Variants in RELCH observed in about 807,000 individuals in gnomAD.
RELCH encodes the protein RAB11-binding protein RELCH.
A neutral mutation model predicts 150.3 loss-of-function variants in RELCH; 41 were observed. The ratio of observed to expected loss-of-function variants is 0.27; its 90% CI spans 0.21 to 0.35. RELCH has a LOEUF of 0.35. RELCH is among the 10% of genes least tolerant of loss of function. The probability of loss-of-function intolerance (pLI) is 1.00; values close to 1 mark genes in which losing one functional copy is unlikely to be tolerated. For synonymous variants in RELCH, 478 were observed against 531.8 expected (o/e 0.90, Z 1.39); for missense variants, 1,092 against 1,467.8 (o/e 0.74, Z 4.18).
intron 2 of RELCH, among the ~76,000 whole-genome samples, chr18:62,214,493 G>A (rs1466759971): frequency 3.3e-5 from 5 of 152,176 alleles, no homozygotes; most frequent in Non-Finnish European, 7.3e-5. Flanking sequence ...CTGCAAGCTG[G>A]TAGCTCTGCA....
chr18:62,287,240 A>C (rs1171134847), intron 25 of RELCH, 111 bp from the exon 26 acceptor site: 1 of 650,912 alleles, frequency 1.5e-6, no homozygotes, highest in Non-Finnish European at 2.7e-6. Flanking sequence ...GAAGTCATTC[A>C]GAATTAAAAT....
intron 22 of RELCH, among the ~76,000 whole-genome samples, chr18:62,278,486 A>G (rs1053543123): frequency 2.0e-5 from 3 of 152,180 alleles, no homozygotes; most frequent in African/African-American, 7.2e-5. Context: ...TTGCAAAATT[A>G]AGAATCTTCA....
intron 2 of RELCH, among the ~76,000 whole-genome samples, chr18:62,217,410 G>A (rs544147065): frequency 1.3e-5 from 2 of 151,668 alleles, no homozygotes; most frequent in African/African-American, 4.8e-5. Flanking sequence ...GTTATTTCAG[G>A]AGTTATTAAA....
At chr18:62,205,870 TA>T (rs948210453) in intron 1 of RELCH, among the ~76,000 whole-genome samples, 1 of 151,498 alleles carries the variant, frequency 6.6e-6, no homozygotes, top group Non-Finnish European at 1.5e-5. Flanking sequence ...ATAATTTTTT[TA>T]AAAAAATTAG....
At chr18:62,277,696 T>G in intron 22 of RELCH, 1 of 974,116 alleles carries the variant, frequency 1.0e-6, no homozygotes, top group Non-Finnish European at 1.2e-6. Flanking sequence ...AGTTTAATTT[T>G]TAGACAGCAG....
intron 22 of RELCH, among the ~76,000 whole-genome samples, chr18:62,278,285 G>T (rs1381240016): frequency 2.6e-5 from 4 of 152,020 alleles, no homozygotes; most frequent in Admixed American, 6.6e-5. Context: ...ATGATACAGA[G>T]AAGAAAGTTT....
chr18:62,283,309 G>A (rs2044619313), intron 25 of RELCH, among the ~76,000 whole-genome samples: 2 of 151,918 alleles, frequency 1.3e-5, no homozygotes, highest in Admixed American at 6.6e-5. Flanking sequence ...CTTTTACTGT[G>A]GGCCTCAACA....
chr18:62,198,609 A>T (rs1351653809), intron 1 of RELCH, among the ~76,000 whole-genome samples: 1 of 152,144 alleles, frequency 6.6e-6, no homozygotes, highest in Non-Finnish European at 1.5e-5. Context: ...TTTAGGCTTT[A>T]GCTCACATTT....
At chr18:62,236,423 C>T (rs776041848) in intron 10 of RELCH, among the ~76,000 whole-genome samples, 1 of 151,600 alleles carries the variant, frequency 6.6e-6, no homozygotes, top group Non-Finnish European at 1.5e-5. Flanking sequence ...GTTTTCTTAT[C>T]TTGTGTTTTG....
chr18:62,211,222 A>T lies in RELCH; in HGVS notation c.596A>T (p.Glu199Val), dbSNP rs1466218343. The T allele has an allele frequency of 6.2e-7, 1 of 1,606,612 alleles. No homozygotes were observed. The highest frequency in any genetic ancestry group is 8.5e-7 in the Non-Finnish European group (1 of 1,173,688). ...FARYSDDGNR[E>V]TDEKVAVLEF... ...AGATATTCAGATGATGGTAACAGGGAAACAGATGAAAAAGTGGCAGGTGAG... is the reference window on the plus strand; with the variant it reads ...AGATATTCAGATGATGGTAACAGGGTAACAGATGAAAAAGTGGCAGGTGAG... Residue 199 changes from glutamate to valine, a missense_variant, in exon 2 of 29, where the codon GAA becomes GTA. Physicochemically the swap from Glu to Val is moderately radical, Grantham distance 121. Coordinates refer to ENST00000644646, the MANE Select transcript of RELCH (RefSeq NM_001346231.2).
intron 16 of RELCH, 75 bp downstream of exon 16, chr18:62,261,733 A>C: frequency 7.5e-7 from 1 of 1,330,550 alleles, no homozygotes; most frequent in East Asian, 2.4e-5. Context: ...TTTTTTATTA[A>C]AAGTCTAAAA....
chr18:62,266,656 C>G (rs1395667229), intron 18 of RELCH, 45 bp from the exon 19 acceptor site: 28 of 1,248,960 alleles, frequency 2.2e-5, no homozygotes, highest in Non-Finnish European at 3.3e-5. Context: ...ATCAATTTGC[C>G]CATTGAACCT....
intron 2 of RELCH, among the ~76,000 whole-genome samples, chr18:62,214,416 T>C (rs988963274): frequency 6.6e-5 from 10 of 152,232 alleles, no homozygotes; most frequent in Non-Finnish European, 1.0e-4. Flanking sequence ...TGCCATTGAA[T>C]TACACGTAAA....
At chr18:62,240,681 G>A (rs971427513) in intron 10 of RELCH, among the ~76,000 whole-genome samples, 1 of 150,904 alleles carries the variant, frequency 6.6e-6, no homozygotes. Context: ...AAATTCTGCA[G>A]TAGGATTATT....
intron 10 of RELCH, among the ~76,000 whole-genome samples, chr18:62,242,096 A>G (rs1477400468): frequency 1.3e-5 from 2 of 152,148 alleles, no homozygotes; most frequent in African/African-American, 4.8e-5. Flanking sequence ...TGTAAGAGGA[A>G]GAAGCCATCC....
intron 11 of RELCH, among the ~76,000 whole-genome samples, chr18:62,248,181 A>G (rs1189996426): frequency 6.6e-6 from 1 of 152,234 alleles, no homozygotes; most frequent in Non-Finnish European, 1.5e-5. Context: ...CTGTATATAC[A>G]TGTTTATAAA....
chr18:62,200,964 C>CTTTTTTTTTTTTTTTTTT (rs543882947), intron 1 of RELCH, among the ~76,000 whole-genome samples: 1 of 54,988 alleles, frequency 1.8e-5, no homozygotes, highest in Non-Finnish European at 3.1e-5. Context: ...TTTTTCTTTG[C>CTTTTTTTTTTTTTTTTTT]TTTTTTTTTT....
At chr18:62,291,121 T>C (rs987540147) in intron 26 of RELCH, among the ~76,000 whole-genome samples, 7 of 152,252 alleles carry the variant, frequency 4.6e-5, no homozygotes, top group African/African-American at 1.7e-4. Context: ...AATTGTCTTA[T>C]ACGTAATAGT....
chr18:62,277,991 C>A, intron 22 of RELCH: 1 of 238,468 alleles, frequency 4.2e-6, no homozygotes, highest in Non-Finnish European at 6.8e-6. Context: ...AAGTTACTTT[C>A]CGAAGCCTCA....
Sources: allele counts gnomAD v4.1 joint callset (sites outside exome capture counted in the v4.1 genomes callset), GRCh38; gene constraint gnomAD v4.1.1; transcripts MANE v1.5; gene names NCBI Gene and HGNC (gene_info 2026-07-23, HGNC 2026-07-21).